ZNF500: variants seen among roughly 807,000 people sequenced by gnomAD.
The protein encoded by ZNF500 is zinc finger protein with KRAB and SCAN domains 18.
In ZNF500, 31 loss-of-function variants were observed where a neutral mutation model predicts 30.1. The observed-to-expected ratio is 1.03, with a 90% confidence interval of 0.77 to 1.39. The LOEUF is 1.39. Ranked by LOEUF, ZNF500 falls within the 40% of genes most tolerant of loss-of-function variation. The pLI, the probability that ZNF500 is intolerant of heterozygous loss-of-function variation, is 0.00. For missense variants in ZNF500, 817 were observed against 657.8 expected (o/e 1.24, Z -2.65); for synonymous variants, 392 against 282.0 (o/e 1.39, Z -3.91).
chr16:4,746,903 A>C (rs1425337295), downstream of ZNF500: 1 of 1,527,422 alleles, frequency 6.5e-7, no homozygotes. Context: ...GGGCACATCC[A>C]GAAACCCATT....
intron 5 of ZNF500, among the ~76,000 whole-genome samples, chr16:4,755,969 C>A (rs940267940): frequency 6.6e-6 from 1 of 152,172 alleles, no homozygotes; most frequent in Non-Finnish European, 1.5e-5. Flanking sequence ...AGTCCCTGCA[C>A]GATTCCCTTT....
At chr16:4,760,321 C>T (rs938268677) in intron 5 of ZNF500, among the ~76,000 whole-genome samples, 171 bp downstream of exon 5, 3 of 152,104 alleles carry the variant, frequency 2.0e-5, no homozygotes, top group Non-Finnish European at 4.4e-5. Context: ...TGAGTCACGG[C>T]CGAGTGGCTG....
intron 5 of ZNF500, among the ~76,000 whole-genome samples, chr16:4,754,503 A>G (rs966654014): frequency 6.6e-6 from 1 of 151,846 alleles, no homozygotes; most frequent in Non-Finnish European, 1.5e-5. Context: ...TATTTTATTA[A>G]AAATAAAAAA....
At chr16:4,746,701 C>G (rs958735368), downstream of ZNF500, 1 of 860,700 alleles carries the variant, frequency 1.2e-6, no homozygotes, top group African/African-American at 1.7e-5. Flanking sequence ...GGGCATGAGG[C>G]ACACCTCCTC....
chr16:4,752,121 G>C lies in ZNF500; in HGVS notation c.*255C>G. On this transcript the variant is annotated 3_prime_UTR_variant, in exon 6 of 6. Transcript: ENST00000219478. ...CTTCTGGCCTCCTGAGTGTGTCTCTGTGGCTGAAGCCCCTGCTCTGTGTCA... is the reference window on the plus strand; with the variant it reads ...CTTCTGGCCTCCTGAGTGTGTCTCTCTGGCTGAAGCCCCTGCTCTGTGTCA... 1.5e-6 allele frequency: 2 copies of C among 1,345,904 alleles called. No homozygotes were observed. Among genetic ancestry groups the C allele is most frequent in the Non-Finnish European group, 1.9e-6 (2 of 1,054,438 alleles). 83.4% of individuals were successfully genotyped at this position (1,345,904 alleles called of 1,614,324 possible). A position where few individuals can be genotyped will look rare whatever the true frequency, so the allele number is the denominator to read the frequency against.
chr16:4,747,360 G>T (rs763654265), downstream of ZNF500: 1 of 1,586,634 alleles, frequency 6.3e-7, no homozygotes, highest in East Asian at 2.2e-5. Context: ...ACCGGGAAAA[G>T]CCAGCTTCTC....
chr16:4,746,658 C>T (rs1427809401), downstream of ZNF500: 2 of 1,173,506 alleles, frequency 1.7e-6, no homozygotes, highest in Non-Finnish European at 2.3e-6. Context: ...TGCTGGCCTA[C>T]AGTCCCCCTG....
chr16:4,765,657 C>T lies in ZNF500; in HGVS notation c.322G>A (p.Ala108Thr). 1 of 1,613,676 alleles carries T rather than the reference C, an allele frequency of 6.2e-7. No homozygotes were observed. Among genetic ancestry groups the T allele is most frequent in the Non-Finnish European group, 8.5e-7 (1 of 1,179,978 alleles). ...TCCGGCTGCTGCTCGCGTACCCGAG[C>T]CTGGATCTCCCCCGGCAGCACAGTC... ...FLTVLPGEIQ[A>T]RVREQQPESG... is the part of the protein sequence containing the mutation. The change falls in exon 2 of 6, where the codon GCT (alanine) becomes ACT (threonine). Residue 108 changes from alanine to threonine, a missense_variant. By Grantham distance (58) the Ala-to-Thr change is moderately conservative (BLOSUM62 0). Transcript: ENST00000219478.
chr16:4,757,251 C>T (rs892809894), intron 5 of ZNF500, among the ~76,000 whole-genome samples: 1 of 152,128 alleles, frequency 6.6e-6, no homozygotes, highest in Non-Finnish European at 1.5e-5. Context: ...GAAGGGGACC[C>T]GAACGGGTTG....
intron 1 of ZNF500, 140 bp from the exon 2 acceptor site, chr16:4,766,216 T>C: frequency 4.5e-6 from 2 of 441,626 alleles, no homozygotes; most frequent in Non-Finnish European, 8.0e-6. Context: ...ATGTCATCTT[T>C]GTTATTAACC....
At position 4,751,387 on chromosome 16, in the gene ZNF500, G is replaced by A. The variant is rs1490731163; in HGVS notation, c.*989C>T. The stretch of plus-strand genomic sequence containing the variant: ...AAACGCAGCCCTGGGCCCCGGCCCT[G>A]GGGAGATGTCAGGCCCGTCACATCC... On this transcript the variant is annotated 3_prime_UTR_variant, in exon 6 of 6. Coordinates refer to ENST00000219478, the MANE Select transcript of ZNF500 (RefSeq NM_021646.4). 3 of 588,396 alleles carry A rather than the reference G, an allele frequency of 5.1e-6. No individual in the cohort carries two copies. Among genetic ancestry groups the A allele is most frequent in the East Asian group, 6.1e-5 (2 of 32,868 alleles). 36.4% of individuals were successfully genotyped at this position (588,396 alleles called of 1,614,324 possible).
chr16:4,763,274 T>G (rs1318687807), intron 2 of ZNF500: 1 of 319,096 alleles, frequency 3.1e-6, no homozygotes, highest in East Asian at 1.7e-4. Flanking sequence ...GGCAGCACGC[T>G]TGTAATCCCA....
chr16:4,764,667 A>G (rs1002548287), intron 2 of ZNF500, among the ~76,000 whole-genome samples: 3 of 151,964 alleles, frequency 2.0e-5, no homozygotes, highest in Admixed American at 1.3e-4. Flanking sequence ...CTGTAGTCCC[A>G]GCTGCTGAGG....
chr16:4,765,382 G>C (rs1001546917), intron 2 of ZNF500, among the ~76,000 whole-genome samples, 183 bp downstream of exon 2: 6 of 152,162 alleles, frequency 3.9e-5, no homozygotes, highest in African/African-American at 1.2e-4. Context: ...GGTAGGATGA[G>C]GTTAATCAAA....
downstream of ZNF500, chr16:4,746,637 C>G: frequency 1.5e-6 from 2 of 1,301,360 alleles, no homozygotes; most frequent in Non-Finnish European, 1.0e-6. Context: ...GATCAATTCT[C>G]AATTGAAAAG....
rs182443237 is a variant in ZNF500, at chr16:4,754,991, C to T, written c.761-1933G>A. On this transcript the variant is annotated intron_variant, in intron 5 of 5. Transcript: ENST00000219478. ...CGGCACCTCCCCTCGCTCCTTTGCT[C>T]CTGCTCCAGCCATGTGAGACATGCC... 4.8e-3 allele frequency among the ~76,000 whole-genome samples: 730 copies of T among 152,340 alleles called. 1 individual carries two copies. The highest frequency in any genetic ancestry group is 7.1e-3 in the Non-Finnish European group (480 of 68,028).
chr16:4,746,823 T>C, downstream of ZNF500: 1 of 1,100,646 alleles, frequency 9.1e-7, no homozygotes. Context: ...GCTGCTGACC[T>C]CTTGCATTGG....
In ZNF500 at chr16:4,749,505, G is replaced by C. The variant is rs147706570; in HGVS notation, c.*2871C>G. ...AAGGTTTTCACGCTCCCAGTGCCCA[G>C]TTCCTCCACCCACAGAAGGAGAATC... On this transcript the variant is annotated 3_prime_UTR_variant, in exon 6 of 6. Transcript: ENST00000219478. 5.4e-3 allele frequency: 838 copies of C among 154,314 alleles called. 1 individual carries two copies. The highest frequency in any genetic ancestry group is 0.013 in the Middle Eastern group (22 of 1,708). The allele number at this position is 154,314 out of a possible 1,614,324, so 9.6% of individuals were successfully genotyped here.
chr16:4,760,669 C>A (rs1171532526), intron 4 of ZNF500, 81 bp from the exon 5 acceptor site: 2 of 1,269,396 alleles, frequency 1.6e-6, no homozygotes, highest in Non-Finnish European at 2.2e-6. Flanking sequence ...CAGGGAGCTG[C>A]ACCGCCACTG....
Sources: allele counts gnomAD v4.1 joint callset (sites outside exome capture counted in the v4.1 genomes callset), GRCh38; gene constraint gnomAD v4.1.1; transcripts MANE v1.5; gene names NCBI Gene and HGNC (gene_info 2026-07-23, HGNC 2026-07-21).